SEC31A: variants seen among roughly 807,000 people sequenced by gnomAD.
SEC31A encodes the protein SEC31 homolog A, COPII component.
Under a neutral mutation model 151.0 loss-of-function variants are expected in SEC31A, and 70 were observed. The ratio of observed to expected loss-of-function variants is 0.46; its 90% CI spans 0.38 to 0.57. SEC31A has a LOEUF of 0.57. Ranked by LOEUF, SEC31A falls within the 20% of genes least tolerant of loss-of-function variation. The probability of loss-of-function intolerance (pLI) is 0.00; values close to 1 mark genes in which losing one functional copy is unlikely to be tolerated. For missense variants in SEC31A, 1,330 were observed against 1,471.2 expected (o/e 0.90, Z 1.57); for synonymous variants, 475 against 505.9 (o/e 0.94, Z 0.82).
chr4:82,840,455 A>G (rs1047742497), intron 22 of SEC31A, among the ~76,000 whole-genome samples: 2 of 152,220 alleles, frequency 1.3e-5, no homozygotes, highest in Non-Finnish European at 2.9e-5. Flanking sequence ...CTATTGATGT[A>G]TCTGTAGTGT....
At position 82,827,458 on chromosome 4, in the gene SEC31A, G is replaced by T; in HGVS notation, c.3202C>A (p.Gln1068Lys). 6.2e-7 allele frequency: 1 copy of T among 1,614,254 alleles called. No individual in the cohort carries two copies. The highest frequency in any genetic ancestry group is 8.5e-7 in the Non-Finnish European group (1 of 1,180,040). ...PGGQPFHGVQ[Q>K]PLGQTGMPPS... ...GGCATGCCTGTTTGACCAAGAGGTT[G>T]CTGTACGCCATGGAAGGGCTGGCCA... Residue 1068 changes from glutamine (Q) to lysine (K), a missense_variant, in exon 24 of 27, where the codon CAA (glutamine) becomes AAA (lysine). Physicochemically the swap from Gln to Lys is moderately conservative, Grantham distance 53. Transcript: ENST00000395310.
intron 22 of SEC31A, chr4:82,830,850 G>T: frequency 2.2e-6 from 1 of 458,092 alleles, no homozygotes; most frequent in Non-Finnish European, 3.2e-6. Flanking sequence ...CATCTTTGAA[G>T]TTCACATGCA....
At chr4:82,866,781 T>C (rs774601131) in intron 10 of SEC31A, 27 bp downstream of exon 10, 37 of 1,591,624 alleles carry the variant, frequency 2.3e-5, no homozygotes, top group Non-Finnish European at 2.8e-5. Context: ...TTTGTGCCTA[T>C]GGACCATAAA....
exon 1 of SEC31A, chr4:82,900,533 T>C (rs1720274097): frequency 1.9e-6 from 1 of 520,484 alleles, no homozygotes; most frequent in Non-Finnish European, 3.4e-6. Context: ...AAACCCACTA[T>C]TCCGCCTCCA....
intron 3 of SEC31A, among the ~76,000 whole-genome samples, chr4:82,896,400 T>G (rs1257959067): frequency 1.3e-5 from 2 of 151,674 alleles, no homozygotes; most frequent in Non-Finnish European, 2.9e-5. Context: ...GTATTTTTAG[T>G]AGAGACGGAG....
At chr4:82,873,130 G>A (rs1184752525) in intron 6 of SEC31A, among the ~76,000 whole-genome samples, 1 of 152,160 alleles carries the variant, frequency 6.6e-6, no homozygotes, top group Admixed American at 6.6e-5. Flanking sequence ...GGAGGCCAAG[G>A]CGGGTGGATC....
chr4:82,834,676 C>T (rs1031431260), intron 22 of SEC31A, among the ~76,000 whole-genome samples: 1 of 152,130 alleles, frequency 6.6e-6, no homozygotes, highest in Non-Finnish European at 1.5e-5. Flanking sequence ...TAACCTCAAA[C>T]CATGCAATAT....
At chr4:82,842,621 A>C in intron 21 of SEC31A, 140 bp from the exon 22 acceptor site, 1 of 689,324 alleles carries the variant, frequency 1.5e-6, no homozygotes, top group Non-Finnish European at 2.4e-6. Flanking sequence ...AATTTACACC[A>C]TTATATTTTT....
At chr4:82,838,547 CCTCGCGTACCA>C (rs1352039925) in intron 22 of SEC31A, among the ~76,000 whole-genome samples, 1 of 152,168 alleles carries the variant, frequency 6.6e-6, no homozygotes, top group Non-Finnish European at 1.5e-5. Flanking sequence ...GATTAATCTC[CCTCGCGTACCA>C]CTTTGACTGC....
At chr4:82,829,612 C>T (rs149188174) in intron 22 of SEC31A, among the ~76,000 whole-genome samples, 157 of 152,132 alleles carry the variant, frequency 1.0e-3, no homozygotes, top group African/African-American at 3.4e-3. Flanking sequence ...ATCATCTTTG[C>T]CTCGGGAATT....
upstream of SEC31A, chr4:82,895,730 AT>A (rs1158253043): frequency 2.6e-5 from 4 of 152,216 alleles, no homozygotes; most frequent in African/African-American, 4.8e-5. Context: ...TCAAATAAAT[AT>A]GACAAATGAT....
In SEC31A at chr4:82,822,934, T is replaced by C. The variant is rs976692725; in HGVS notation, c.3411+1621A>G. ...GTTGCAGTGAGCCGAGATTGCACCATTGCACTCCAGCCTGGGCAACAAGAG... is the reference window on the plus strand; with the variant it reads ...GTTGCAGTGAGCCGAGATTGCACCACTGCACTCCAGCCTGGGCAACAAGAG... On this transcript the variant is annotated intron_variant, in intron 25 of 26. Coordinates refer to ENST00000395310, the MANE Select transcript of SEC31A (RefSeq NM_001077207.4). 6.6e-5 allele frequency among the ~76,000 whole-genome samples: 10 copies of C among 151,850 alleles called. 1 individual carries two copies. Among genetic ancestry groups the C allele is most frequent in the Non-Finnish European group, 4.4e-5 (3 of 67,968 alleles).
chr4:82,828,574 C>T lies in SEC31A; in HGVS notation c.3027+426G>A, dbSNP rs1725144658. ...TTACTGAGATCTGTATAGTGCTCAG[C>T]CACAAGGCTATTTCATTCATACTAT... On this transcript the variant is annotated intron_variant, in intron 23 of 26. Coordinates refer to ENST00000395310, the MANE Select transcript of SEC31A (RefSeq NM_001077207.4). 2.1e-5 allele frequency among the ~76,000 whole-genome samples: 3 copies of T among 143,600 alleles called. No individual in the cohort carries two copies. In the Admixed American group the frequency reaches 2.2e-4, roughly 11 times the overall value. The allele number at this position is 143,600 out of a possible 152,430, so 94.2% of individuals were successfully genotyped here. A position where few individuals can be genotyped will look rare whatever the true frequency, so the allele number is the denominator to read the frequency against.
chr4:82,839,296 A>C (rs1560598609), intron 22 of SEC31A, among the ~76,000 whole-genome samples: 1 of 152,156 alleles, frequency 6.6e-6, no homozygotes, highest in African/African-American at 2.4e-5. Context: ...GATTACAGGC[A>C]TGCACCACCA....
Position 82,875,747 on chromosome 4 carries a change from T to C in SEC31A, c.478A>G (p.Thr160Ala), listed in dbSNP as rs1241312247. Residue 160 changes from threonine (T) to alanine (A), a missense_variant, in exon 5 of 27, where the codon ACA (threonine) becomes GCA (alanine). Transcript: ENST00000395310. The part of the protein sequence containing the change: ...WDLNNFATPM[T>A]PGAKTQPPED... ...AATACCTGTGTTTTGGCTCCTGGTG[T>C]CATTGGGGTTGCAAAATTATTTAGA... 2 of 1,601,388 alleles carry C rather than the reference T, an allele frequency of 1.2e-6. No individual in the cohort carries two copies. The highest frequency in any genetic ancestry group is 1.7e-6 in the Non-Finnish European group (2 of 1,171,114).
At chr4:82,837,778 T>A (rs1727772743) in intron 22 of SEC31A, among the ~76,000 whole-genome samples, 1 of 152,176 alleles carries the variant, frequency 6.6e-6, no homozygotes, top group Admixed American at 6.5e-5. Context: ...CATGCATGGG[T>A]GGAGTTGCAC....
At chr4:82,875,857 GAATA>G in intron 4 of SEC31A, 35 bp from the exon 5 acceptor site, 1 of 1,127,372 alleles carries the variant, frequency 8.9e-7, no homozygotes, top group South Asian at 1.5e-5. Flanking sequence ...TAGCACTTAT[GAATA>G]ATTAAGAAAA....
At chr4:82,874,397 C>G (rs1380395672) in intron 6 of SEC31A, among the ~76,000 whole-genome samples, 1 of 152,064 alleles carries the variant, frequency 6.6e-6, no homozygotes, top group African/African-American at 2.4e-5. Context: ...ACCAATCTCT[C>G]TTCATCATTA....
At chr4:82,861,517 A>G in intron 14 of SEC31A, 114 bp downstream of exon 14, 1 of 624,838 alleles carries the variant, frequency 1.6e-6, no homozygotes. Flanking sequence ...CAAAGAAAAC[A>G]ATTTACTTCA....
Sources: allele counts gnomAD v4.1 joint callset (sites outside exome capture counted in the v4.1 genomes callset), GRCh38; gene constraint gnomAD v4.1.1; transcripts MANE v1.5; gene names NCBI Gene and HGNC (gene_info 2026-07-23, HGNC 2026-07-21).